PHACTR4: variants seen among roughly 807,000 people sequenced by gnomAD.
The protein encoded by PHACTR4 is protein phosphatase 1, regulatory subunit 124.
A neutral mutation model predicts 72.7 loss-of-function variants in PHACTR4; 51 were observed. The observed-to-expected ratio is 0.70, with a 90% CI of 0.56 to 0.89. The LOEUF (loss-of-function observed/expected upper bound fraction) is 0.89. Ranked by LOEUF, PHACTR4 falls within the 40% of genes least tolerant of loss-of-function variation. The pLI, the probability that PHACTR4 is intolerant of heterozygous loss-of-function variation, is 0.00. For synonymous variants in PHACTR4, 255 were observed against 302.5 expected, an observed-to-expected ratio of 0.84 and a Z score of 1.63; for missense variants, 731 against 861.8, an observed-to-expected ratio of 0.85 and a Z score of 1.90.
intron 1 of PHACTR4, among the ~76,000 whole-genome samples, chr1:28,401,299 A>AATT (rs1653923661): frequency 7.2e-6 from 1 of 138,564 alleles, no homozygotes; most frequent in Non-Finnish European, 1.6e-5. Context: ...GACCTGCTTT[A>AATT]CTTTTTTTTT....
chr1:28,400,022 T>A (rs1653822879), intron 1 of PHACTR4, among the ~76,000 whole-genome samples: 1 of 152,082 alleles, frequency 6.6e-6, no homozygotes, highest in Non-Finnish European at 1.5e-5. Flanking sequence ...AAGTAGGAAA[T>A]GTGGTCAGTG....
In PHACTR4 at chr1:28,499,011, T is replaced by A. The variant is rs12141672; in HGVS notation, c.*2462T>A. The stretch of plus-strand genomic sequence containing the variant: ...TGAACCCAGGAGGCGGAGATTGCAG[T>A]GAGCCAAGATTGCACCACTGCACTC... On this transcript the variant is annotated 3_prime_UTR_variant, in exon 14 of 14. Coordinates refer to ENST00000373839, the MANE Select transcript of PHACTR4 (RefSeq NM_001048183.3). 0.29 allele frequency: 40,010 copies of A among 137,584 alleles called. 5,776 individuals carry two copies. Among genetic ancestry groups the A allele is most frequent in the Middle Eastern group, 0.36 (97 of 272 alleles). The allele number at this position is 137,584 out of a possible 1,614,324, so 8.5% of individuals were successfully genotyped here.
In PHACTR4 at chr1:28,496,630, C is replaced by T; in HGVS notation, c.*81C>T. 1 of 1,497,374 alleles carries T rather than the reference C, an allele frequency of 6.7e-7. No homozygotes were observed. The highest frequency in any genetic ancestry group is 1.1e-5 in the South Asian group (1 of 88,792). The allele number at this position is 1,497,374 out of a possible 1,614,324, so 92.8% of individuals were successfully genotyped here. ...GTGACATATGGAGGGAACTTTAGCA[C>T]TTCCCAGCACAGCCAGAATTGCATC... is the stretch of plus-strand genomic sequence containing the variant. On this transcript the variant is annotated 3_prime_UTR_variant, in exon 14 of 14. Transcript: ENST00000373839.
intron 2 of PHACTR4, among the ~76,000 whole-genome samples, chr1:28,425,835 A>G (rs1182913443): frequency 1.3e-5 from 2 of 152,228 alleles, no homozygotes; most frequent in Non-Finnish European, 2.9e-5. Context: ...TTGAGTCACT[A>G]GTCATAGTCA....
rs373620716 is a variant in PHACTR4 at position 28,450,813 on chromosome 1, G to A, written c.17-8272G>A. Among the ~76,000 whole-genome samples the A allele has an allele frequency of 8.5e-4, 105 of 123,244 alleles. 1 individual carries two copies. In the South Asian group the frequency reaches 0.011, roughly 13 times the overall value. The allele number at this position is 123,244 out of a possible 152,430, so 80.9% of individuals were successfully genotyped here. On this transcript the variant is annotated intron_variant, in intron 2 of 13. Coordinates refer to ENST00000373839, the MANE Select transcript of PHACTR4 (RefSeq NM_001048183.3). ...TGTTGTGTGTGTGTGTGTGGTTTTC[G>A]TTTTGTTTTGTTTTTGAGAGGGAGT...
Position 28,459,275 on chromosome 1 carries a change from T to G in PHACTR4, c.190+17T>G. 1 of 1,601,028 alleles carries G rather than the reference T, an allele frequency of 6.2e-7. No homozygotes were observed. Reference sequence around the variant, plus strand: ...CTTCAGAAGGTGAGATATTAAGGGTTAAATGTGTGTTCTGAGTTAGAATTC... The same window carrying G: ...CTTCAGAAGGTGAGATATTAAGGGTGAAATGTGTGTTCTGAGTTAGAATTC... On this transcript the variant is annotated intron_variant, in intron 3 of 13. Coordinates refer to ENST00000373839, the MANE Select transcript of PHACTR4 (RefSeq NM_001048183.3).
intron 2 of PHACTR4, among the ~76,000 whole-genome samples, chr1:28,439,300 TG>T: frequency 6.6e-6 from 1 of 151,424 alleles, no homozygotes. Context: ...TTTTGTTTTT[TG>T]TTTTTCAGAA....
intron 10 of PHACTR4, among the ~76,000 whole-genome samples, chr1:28,490,137 T>C (rs994533644): frequency 6.6e-6 from 1 of 152,198 alleles, no homozygotes; most frequent in African/African-American, 2.4e-5. Context: ...TATTCTTAGT[T>C]CATGGGCAGG....
At chr1:28,371,334 A>G (rs565277484) in intron 1 of PHACTR4, among the ~76,000 whole-genome samples, 58 of 152,192 alleles carry the variant, frequency 3.8e-4, no homozygotes, top group African/African-American at 1.3e-3. Flanking sequence ...TCACTTTGTT[A>G]CCCAGGCTGG....
chr1:28,420,875 A>G (rs1655463692), intron 2 of PHACTR4, among the ~76,000 whole-genome samples: 1 of 152,212 alleles, frequency 6.6e-6, no homozygotes, highest in African/African-American at 2.4e-5. Context: ...TTAATAGTTG[A>G]AGAGAACTTA....
At chr1:28,377,014 C>G (rs927648222) in intron 1 of PHACTR4, among the ~76,000 whole-genome samples, 2 of 152,008 alleles carry the variant, frequency 1.3e-5, no homozygotes, top group South Asian at 4.2e-4. Flanking sequence ...ACTGCAACCT[C>G]TGCCTCCCGG....
At chr1:28,433,759 A>C (rs1056149285) in intron 2 of PHACTR4, among the ~76,000 whole-genome samples, 1 of 149,068 alleles carries the variant, frequency 6.7e-6, no homozygotes, top group Non-Finnish European at 1.5e-5. Context: ...CACCGGGCCT[A>C]GACTTAGCAT....
chr1:28,448,613 T>C (rs1282514979), intron 2 of PHACTR4, among the ~76,000 whole-genome samples: 1 of 125,606 alleles, frequency 8.0e-6, no homozygotes, highest in African/African-American at 3.2e-5. Flanking sequence ...AAAAAAAAAA[T>C]TAGCTGGGCA....
At chr1:28,379,692 C>G (rs1005949822) in intron 1 of PHACTR4, among the ~76,000 whole-genome samples, 1 of 150,742 alleles carries the variant, frequency 6.6e-6, no homozygotes, top group Non-Finnish European at 1.5e-5. Context: ...CGGGTTCACG[C>G]CATTCTCCTG....
intron 2 of PHACTR4, among the ~76,000 whole-genome samples, chr1:28,417,815 C>G (rs1655199888): frequency 6.6e-6 from 1 of 152,024 alleles, no homozygotes; most frequent in South Asian, 2.1e-4. Context: ...TTGGCAAAAT[C>G]TTGATAACTA....
chr1:28,464,293 A>G (rs1382825848), intron 4 of PHACTR4, among the ~76,000 whole-genome samples: 3 of 152,118 alleles, frequency 2.0e-5, no homozygotes, highest in Non-Finnish European at 2.9e-5. Flanking sequence ...ATGTGAATCT[A>G]TTCTCCTGCC....
rs867284602 is a variant in PHACTR4, at chr1:28,401,320, T to G, written c.-38-6090T>G. Reference sequence around the variant, plus strand: ...CTTTACTTTTTTTTTTTTTTTTTTTTGGGGGGGATGGAGTCTCGCTCTGTC... The same window carrying G: ...CTTTACTTTTTTTTTTTTTTTTTTTGGGGGGGGATGGAGTCTCGCTCTGTC... On this transcript the variant is annotated intron_variant, in intron 1 of 13. Transcript: ENST00000373839. 9.0e-3 allele frequency among the ~76,000 whole-genome samples: 1,104 copies of G among 123,302 alleles called. 10 individuals are homozygous for G. The highest frequency in any genetic ancestry group is 0.012 in the Non-Finnish European group (789 of 63,316). The allele number at this position is 123,302 out of a possible 152,430, so 80.9% of individuals were successfully genotyped here.
chr1:28,395,916 G>A (rs1321109539), intron 1 of PHACTR4, among the ~76,000 whole-genome samples: 1 of 137,946 alleles, frequency 7.2e-6, no homozygotes, highest in Non-Finnish European at 1.5e-5. Context: ...CCGCCTCGTC[G>A]GCCTCCCAAA....
At chr1:28,383,805 A>C (rs1305069982) in intron 1 of PHACTR4, among the ~76,000 whole-genome samples, 5 of 152,316 alleles carry the variant, frequency 3.3e-5, no homozygotes, top group African/African-American at 1.2e-4. Context: ...AGACAAAGAT[A>C]GTTTGACTTC....
Sources: gnomAD v4.1 joint callset for allele counts (sites outside exome capture counted in the v4.1 genomes callset) on GRCh38, gnomAD v4.1.1 for gene constraint, MANE v1.5 for transcripts, NCBI Gene and HGNC (gene_info 2026-07-23, HGNC 2026-07-21) for gene names.